BANP: variants seen among roughly 807,000 people sequenced by gnomAD.
The protein encoded by BANP is BTG3 associated nuclear protein, also known as protein BANP.
BANP carries 11 observed loss-of-function variants against 68.1 expected under a neutral mutation model. That is an observed-to-expected ratio of 0.16 (90% CI 0.10 to 0.27). The LOEUF (loss-of-function observed/expected upper bound fraction) is 0.27. Ranked by LOEUF, BANP falls within the 10% of genes least tolerant of loss-of-function variation. The pLI is 1.00. For missense variants in BANP, 504 were observed against 722.7 expected (o/e 0.70, Z 3.47); for synonymous variants, 329 against 303.2 (o/e 1.09, Z -0.88).
At chr16:88,045,402 G>C (rs1233304583) in intron 11 of BANP, among the ~76,000 whole-genome samples, 3 of 152,360 alleles carry the variant, frequency 2.0e-5, no homozygotes, top group South Asian at 2.1e-4. Context: ...AGGAGAGGCC[G>C]GGGCCAAAGG....
chr16:88,040,468 C>T (rs1402585665), intron 11 of BANP, among the ~76,000 whole-genome samples: 5 of 151,886 alleles, frequency 3.3e-5, no homozygotes, highest in African/African-American at 9.7e-5. Context: ...CTCTCCTCCC[C>T]GTCCCCATGC....
Position 88,004,238 on chromosome 16 carries a change from C to A in BANP, c.363-57C>A. The A allele has an allele frequency of 9.6e-7, 1 of 1,046,688 alleles. No individual in the cohort carries two copies. The highest frequency in any genetic ancestry group is 1.4e-6 in the Non-Finnish European group (1 of 691,758). 64.8% of individuals were successfully genotyped at this position (1,046,688 alleles called of 1,614,324 possible). Reference sequence around the variant, plus strand: ...GTTGAATGACTCTTATGTGCTCTTACCATGAATGTTGTTGTTTTAAGGCCT... The same window carrying A: ...GTTGAATGACTCTTATGTGCTCTTAACATGAATGTTGTTGTTTTAAGGCCT... On this transcript the variant is annotated intron_variant, in intron 4 of 13. Transcript: ENST00000682872. The surrounding 1 kb of genome is among the most constrained non-coding windows in gnomAD (Gnocchi z 7.0).
chr16:88,019,488 CG>C (rs1385840357), intron 7 of BANP, among the ~76,000 whole-genome samples: 2 of 149,954 alleles, frequency 1.3e-5, no homozygotes, highest in African/African-American at 4.9e-5. Context: ...AATCTGATCT[CG>C]AAACAGGGCG....
intron 8 of BANP, among the ~76,000 whole-genome samples, chr16:88,029,899 G>C (rs991715893): frequency 6.6e-6 from 1 of 152,244 alleles, no homozygotes; most frequent in Non-Finnish European, 1.5e-5. Flanking sequence ...GTTCCTAAGA[G>C]CAGAGGGTTA....
At chr16:88,072,339 A>G (rs1385781459) in intron 13 of BANP, 127 bp downstream of exon 13, 8 of 1,133,388 alleles carry the variant, frequency 7.1e-6, no homozygotes, top group Non-Finnish European at 9.8e-6. Context: ...GATTGGACAC[A>G]GATGCCCATC....
intron 1 of BANP, among the ~76,000 whole-genome samples, chr16:87,965,600 G>A (rs895821199): frequency 1.4e-4 from 20 of 140,406 alleles, no homozygotes; most frequent in South Asian, 4.9e-4. Context: ...GGGAGCGTTC[G>A]CATGGCTGGG....
intron 8 of BANP, among the ~76,000 whole-genome samples, chr16:88,031,994 G>A (rs1274343616): frequency 1.3e-5 from 2 of 151,982 alleles, no homozygotes; most frequent in East Asian, 1.9e-4. Flanking sequence ...TAGTAGAGAC[G>A]GGGTTCACCA....
intron 2 of BANP, among the ~76,000 whole-genome samples, chr16:87,976,542 C>G (rs907893623): frequency 4.5e-5 from 6 of 131,966 alleles, no homozygotes; most frequent in Non-Finnish European, 3.1e-5. Context: ...AGTGACCAGC[C>G]CACCACAGTT....
intron 1 of BANP, among the ~76,000 whole-genome samples, chr16:87,967,096 T>A (rs2060154082): frequency 6.6e-6 from 1 of 152,098 alleles, no homozygotes. Flanking sequence ...GGAAGGGAAG[T>A]CCGTGTCTGA....
At chr16:88,051,516 C>A (rs567926687) in intron 11 of BANP, among the ~76,000 whole-genome samples, 1 of 152,060 alleles carries the variant, frequency 6.6e-6, no homozygotes, top group Non-Finnish European at 1.5e-5. Context: ...TGCGGCCATT[C>A]CCAGGCACTG....
rs981260819 is a variant in BANP at position 88,002,642 on chromosome 16, C to G, written c.363-1653C>G. Among the ~76,000 whole-genome samples the G allele has an allele frequency of 6.6e-6, 1 of 152,034 alleles. No individual in the cohort carries two copies. Among genetic ancestry groups the G allele is most frequent in the Non-Finnish European group, 1.5e-5 (1 of 68,012 alleles). ...GAGCCCCCCAGAAGCTGTGGGGCACCCGAGGGGCACATTATTCCAGTTGGG... is the reference window on the plus strand; with the variant it reads ...GAGCCCCCCAGAAGCTGTGGGGCACGCGAGGGGCACATTATTCCAGTTGGG... On this transcript the variant is annotated intron_variant, in intron 4 of 13. Coordinates refer to ENST00000682872, the MANE Select transcript of BANP (RefSeq NM_001386991.1). This position sits in a 1 kb window ranked among gnomAD's most constrained non-coding sequence, Gnocchi z 4.6.
chr16:87,978,326 C>T lies in BANP; in HGVS notation c.71-2710C>T, dbSNP rs183713531. On this transcript the variant is annotated intron_variant, in intron 2 of 13. Coordinates refer to ENST00000682872, the MANE Select transcript of BANP (RefSeq NM_001386991.1). Reference sequence around the variant, plus strand: ...GCACGCCTCTCTTCTGCTGTTATGACGAAACTAGCTCTGTGACCCCAGAGA... The same window carrying T: ...GCACGCCTCTCTTCTGCTGTTATGATGAAACTAGCTCTGTGACCCCAGAGA... 24 of 231,996 alleles carry T rather than the reference C, an allele frequency of 1.0e-4. No homozygotes were observed. In the East Asian group the frequency reaches 1.6e-3, roughly 16 times the overall value. The allele number at this position is 231,996 out of a possible 1,614,324, so 14.4% of individuals were successfully genotyped here. A position where few individuals can be genotyped will look rare whatever the true frequency, so the allele number is the denominator to read the frequency against.
chr16:88,018,486 C>G lies in BANP; in HGVS notation c.714C>G (p.Arg238=), dbSNP rs780485176. Residue 238 remains arginine (R), a synonymous_variant, in exon 7 of 14, where the codon CGC becomes CGG. Transcript: ENST00000682872. The surrounding 1 kb of genome is among the most constrained non-coding windows in gnomAD (Gnocchi z 7.7). The part of the protein sequence containing the change: ...GDENNPEMRV[R]CAIIPSDMLH... ...AGAACAACCCCGAGATGCGGGTACG[C>G]TGCGCCATCATCCCCTCCGACATGC... is the stretch of plus-strand genomic sequence containing the variant. The G allele has an allele frequency of 1.1e-4, 174 of 1,613,354 alleles. 2 individuals carry two copies. In the South Asian group the frequency reaches 1.7e-3, roughly 16 times the overall value.
intron 11 of BANP, among the ~76,000 whole-genome samples, chr16:88,059,499 G>A (rs999150769): frequency 6.6e-6 from 1 of 152,134 alleles, no homozygotes; most frequent in African/African-American, 2.4e-5. Context: ...CAAGTTCACA[G>A]GTATCAGAGG....
chr16:87,971,829 G>T (rs1376640829), intron 1 of BANP, among the ~76,000 whole-genome samples: 1 of 152,110 alleles, frequency 6.6e-6, no homozygotes, highest in East Asian at 1.9e-4. Flanking sequence ...GTCTCGTTCT[G>T]TTGTCCAGGG....
Position 88,076,697 on chromosome 16 carries a change from C to T in BANP, c.*36C>T, listed in dbSNP as rs764326012. The T allele has an allele frequency of 8.9e-6, 14 of 1,572,552 alleles. No homozygotes were observed. The African/African-American group carries it at 1.1e-4, about 12-fold the overall frequency. On this transcript the variant is annotated 3_prime_UTR_variant, in exon 14 of 14. Transcript: ENST00000682872. ...TGGCACCAGGAGCCCCTCGCCGGCTCCGCCTACGGCCCGGCCCCCACGCGC... is the reference window on the plus strand; with the variant it reads ...TGGCACCAGGAGCCCCTCGCCGGCTTCGCCTACGGCCCGGCCCCCACGCGC...
chr16:87,998,845 T>G (rs539711945), intron 4 of BANP, among the ~76,000 whole-genome samples: 1,489 of 134,852 alleles, frequency 0.011, 117 homozygotes, highest in African/African-American at 0.042. Context: ...TGCGCGGCTG[T>G]ACTTACCTGT....
rs1466858231 is a variant in BANP at position 88,018,395 on chromosome 16, T to C, written c.656-33T>C. On this transcript the variant is annotated intron_variant, in intron 6 of 13. Transcript: ENST00000682872. This position sits in a 1 kb window ranked among gnomAD's most constrained non-coding sequence, Gnocchi z 7.7. ...CCTGAATGTGAGCTTATTTGAGCCT[T>C]GGCCATCTGAGGACCTGTCTTCTGT... 6.3e-7 allele frequency: 1 copy of C among 1,594,104 alleles called. No homozygotes were observed. The highest frequency in any genetic ancestry group is 2.2e-5 in the East Asian group (1 of 44,600).
chr16:88,032,174 T>A (rs1246193265), intron 8 of BANP, among the ~76,000 whole-genome samples: 1 of 151,842 alleles, frequency 6.6e-6, no homozygotes, highest in Non-Finnish European at 1.5e-5. Context: ...AACATTCTAC[T>A]TCTCTCACAG....
Sources: allele counts gnomAD v4.1 joint callset (sites outside exome capture counted in the v4.1 genomes callset), GRCh38; gene constraint gnomAD v4.1.1; non-coding constraint Gnocchi (gnomAD v3.1); transcripts MANE v1.5; gene names NCBI Gene and HGNC (gene_info 2026-07-23, HGNC 2026-07-21).